The following DPP10 variants were observed in gnomAD, a reference collection of about 807,000 sequenced individuals.
DPP10 encodes inactive dipeptidyl peptidase 10.
DPP10 carries 33 observed loss-of-function variants against 120.9 expected under a neutral mutation model. The observed-to-expected ratio is 0.27, with a 90% CI of 0.21 to 0.37. The LOEUF (loss-of-function observed/expected upper bound fraction) is 0.37, where lower values mean the gene tolerates loss of function less well. Among genes scored for constraint, DPP10 ranks in the 10% least tolerant of loss-of-function variants. The pLI is 1.00. For synonymous variants in DPP10, 337 were observed against 326.1 expected, an observed-to-expected ratio of 1.03 and a Z score of -0.36; for missense variants, 816 against 942.8, an observed-to-expected ratio of 0.87 and a Z score of 1.76.
chr2:115,044,967 T>C (rs573455297), intron 1 of DPP10, among the ~76,000 whole-genome samples: 1 of 152,280 alleles, frequency 6.6e-6, no homozygotes, highest in South Asian at 2.1e-4. Context: ...TTTTTATAGA[T>C]GAATAGTACT....
chr2:115,530,586 G>A (rs1202055806), intron 5 of DPP10, among the ~76,000 whole-genome samples: 1 of 151,906 alleles, frequency 6.6e-6, no homozygotes, highest in Non-Finnish European at 1.5e-5. Context: ...GGAGGCTGAG[G>A]AGGAGAATCA....
chr2:114,759,320 G>A (rs1680072040), intron 1 of DPP10, among the ~76,000 whole-genome samples: 1 of 152,156 alleles, frequency 6.6e-6, no homozygotes, highest in Admixed American at 6.5e-5. Flanking sequence ...TATTCCTCAT[G>A]GCATTTGTAT....
chr2:114,886,490 T>C (rs1337130640), intron 1 of DPP10, among the ~76,000 whole-genome samples: 1 of 152,192 alleles, frequency 6.6e-6, no homozygotes, highest in Non-Finnish European at 1.5e-5. Context: ...TCACTTTTAA[T>C]AGAATTTATC....
At chr2:114,603,806 A>G (rs1199891668) in intron 1 of DPP10, among the ~76,000 whole-genome samples, 2 of 152,050 alleles carry the variant, frequency 1.3e-5, no homozygotes, top group Non-Finnish European at 2.9e-5. Context: ...TTGGTGGGCA[A>G]ATGCCCTCTA....
rs147486274 is a variant in DPP10, at chr2:115,706,370, C to T, written c.576+16449C>T. On this transcript the variant is annotated intron_variant, in intron 7 of 25. Transcript: ENST00000410059. ...AATGTAAATCACAATTTCTGTGGCA[C>T]GTCTTGTTTCATCCTGCTCATAACA... Among the ~76,000 whole-genome samples the T allele has an allele frequency of 2.3e-4, 35 of 151,908 alleles. 1 individual carries two copies. Among genetic ancestry groups the T allele is most frequent in the African/African-American group, 4.8e-4 (20 of 41,474 alleles).
At chr2:115,422,090 G>A (rs1219213845) in intron 3 of DPP10, among the ~76,000 whole-genome samples, 1 of 152,004 alleles carries the variant, frequency 6.6e-6, no homozygotes. Context: ...CACTATGGGA[G>A]ATTCTTTAAC....
chr2:114,762,869 A>T (rs780999110), intron 1 of DPP10, among the ~76,000 whole-genome samples: 1 of 152,224 alleles, frequency 6.6e-6, no homozygotes, highest in Non-Finnish European at 1.5e-5. Context: ...GTGTTCTGGG[A>T]ATGTTGAGAT....
chr2:115,103,253 T>C (rs2048788523), intron 1 of DPP10, among the ~76,000 whole-genome samples: 1 of 143,218 alleles, frequency 7.0e-6, no homozygotes, highest in African/African-American at 2.6e-5. Context: ...AGTGGCGCAA[T>C]CTCGGCTCAC....
At chr2:115,224,346 T>C (rs1021217088) in intron 1 of DPP10, among the ~76,000 whole-genome samples, 1 of 152,150 alleles carries the variant, frequency 6.6e-6, no homozygotes, top group Admixed American at 6.6e-5. Flanking sequence ...TCCTTAGAAA[T>C]TGAAATAAGA....
intron 4 of DPP10, among the ~76,000 whole-genome samples, chr2:115,523,762 A>G (rs1263001936): frequency 5.3e-5 from 8 of 152,174 alleles, no homozygotes; most frequent in African/African-American, 1.7e-4. Flanking sequence ...ATTAGGTCGT[A>G]TCATAGTATT....
At chr2:114,893,254 C>G (rs1692688476) in intron 1 of DPP10, among the ~76,000 whole-genome samples, 1 of 152,078 alleles carries the variant, frequency 6.6e-6, no homozygotes, top group African/African-American at 2.4e-5. Flanking sequence ...ATATTATTTA[C>G]CATGAAATAT....
At chr2:115,477,683 C>A (rs751824580) in intron 3 of DPP10, among the ~76,000 whole-genome samples, 16 of 152,092 alleles carry the variant, frequency 1.1e-4, no homozygotes, top group Non-Finnish European at 2.1e-4. Flanking sequence ...AGGTATCCAA[C>A]TAATCAGTAC....
intron 1 of DPP10, among the ~76,000 whole-genome samples, chr2:114,993,580 G>GTGTGTGTATATATATATATA (rs71394121): frequency 1.0e-5 from 1 of 97,324 alleles, no homozygotes; most frequent in African/African-American, 3.7e-5. Flanking sequence ...GTGTGTGTGT[G>GTGTGTGTATATATATATATA]TATATATATA....
intron 1 of DPP10, among the ~76,000 whole-genome samples, chr2:114,450,942 A>G (rs1678237040): frequency 6.6e-6 from 1 of 152,092 alleles, no homozygotes; most frequent in Non-Finnish European, 1.5e-5. Flanking sequence ...TTAATTTCCA[A>G]GATGAATCAT....
At chr2:114,749,237 T>C (rs2106029114) in intron 1 of DPP10, among the ~76,000 whole-genome samples, 1 of 150,996 alleles carries the variant, frequency 6.6e-6, no homozygotes, top group East Asian at 2.0e-4. Context: ...CTTCGCCCAC[T>C]TTTTGATGGG....
intron 1 of DPP10, among the ~76,000 whole-genome samples, chr2:114,523,365 G>A (rs1206152451): frequency 6.6e-6 from 1 of 152,132 alleles, no homozygotes; most frequent in Non-Finnish European, 1.5e-5. Context: ...GTAATTCCCT[G>A]AAAAAGAGAC....
intron 5 of DPP10, among the ~76,000 whole-genome samples, chr2:115,626,587 T>G (rs1340084337): frequency 2.6e-5 from 4 of 152,170 alleles, no homozygotes; most frequent in Non-Finnish European, 5.9e-5. Flanking sequence ...CATTCTCACA[T>G]TGTTTTCTGT....
intron 5 of DPP10, among the ~76,000 whole-genome samples, chr2:115,596,432 T>C (rs1441122412): frequency 4.6e-5 from 7 of 152,154 alleles, no homozygotes; most frequent in Non-Finnish European, 2.9e-5. Context: ...TAGAGCTCTT[T>C]TACATATTTT....
At chr2:115,219,668 A>G (rs1419596149) in intron 1 of DPP10, among the ~76,000 whole-genome samples, 2 of 152,198 alleles carry the variant, frequency 1.3e-5, no homozygotes, top group African/African-American at 2.4e-5. Context: ...CTCAATATAA[A>G]GATCAAAAGA....
Sources: gnomAD v4.1 joint callset for allele counts (sites outside exome capture counted in the v4.1 genomes callset) on GRCh38, gnomAD v4.1.1 for gene constraint, MANE v1.5 for transcripts, NCBI Gene and HGNC (gene_info 2026-07-23, HGNC 2026-07-21) for gene names.